The following ACY3 variants were observed in gnomAD, a reference collection of about 807,000 sequenced individuals.
ACY3 encodes the protein N-acyl-aromatic-L-amino acid amidohydrolase (carboxylate-forming).
A neutral mutation model predicts 24.6 loss-of-function variants in ACY3; 20 were observed. That is an observed-to-expected ratio of 0.81 (90% CI 0.57 to 1.18). The LOEUF is 1.18. ACY3 is among the 50% of genes most tolerant of loss of function. The pLI, the probability that ACY3 is intolerant of heterozygous loss-of-function variation, is 0.00. For synonymous variants in ACY3, 174 were observed against 188.4 expected, an observed-to-expected ratio of 0.92 and a Z score of 0.62; for missense variants, 423 against 426.8, an observed-to-expected ratio of 0.99 and a Z score of 0.08.
Position 67,645,158 on chromosome 11 carries a change from G to T in ACY3, c.527-6C>A. The stretch of plus-strand genomic sequence containing the variant: ...CTGGGGGCCCAGCTCCAGACCTGGG[G>T]ACCAGGAAGCAAGGGGTTAGGCAGG... On this transcript the variant is annotated splice_region_variant and splice_polypyrimidine_tract_variant and intron_variant, in intron 5 of 7. Coordinates refer to ENST00000255082, the MANE Select transcript of ACY3 (RefSeq NM_080658.2). 1.2e-6 allele frequency: 2 copies of T among 1,611,044 alleles called. No individual in the cohort carries two copies. The highest frequency in any genetic ancestry group is 8.5e-7 in the Non-Finnish European group (1 of 1,178,826).
Position 67,642,939 on chromosome 11 carries a change from C to T in ACY3, c.745G>A (p.Asp249Asn). ...LAGTVHPQLQDRDFQPLQPGA... is the reference protein window; with the variant it reads ...LAGTVHPQLQNRDFQPLQPGA... ...GGCTGCAGTGGCTGGAAGTCTCGGT[C>T]CTGGGAGGAGAGCCAAAGGCCAAGA... The change falls in exon 8 of 8, where the codon GAC becomes AAC. Residue 249 changes from aspartate (D) to asparagine (N), a missense_variant and splice_region_variant. Physicochemically the swap from Asp to Asn is conservative, Grantham distance 23. Coordinates refer to ENST00000255082, the MANE Select transcript of ACY3 (RefSeq NM_080658.2). 1 of 1,613,002 alleles carries T rather than the reference C, an allele frequency of 6.2e-7. No individual in the cohort carries two copies. The highest frequency in any genetic ancestry group is 8.5e-7 in the Non-Finnish European group (1 of 1,179,720).
At chr11:67,648,424 G>A (rs2076576528) in intron 1 of ACY3, among the ~76,000 whole-genome samples, 1 of 152,180 alleles carries the variant, frequency 6.6e-6, no homozygotes, top group African/African-American at 2.4e-5. Flanking sequence ...TGAAGGTGAG[G>A]TCCCCTGCAC....
At chr11:67,648,714 G>A (rs144780063) in intron 1 of ACY3, among the ~76,000 whole-genome samples, 99 of 152,288 alleles carry the variant, frequency 6.5e-4, no homozygotes, top group African/African-American at 2.1e-3. Flanking sequence ...ACACCCTCTC[G>A]GAAGCTGCCC....
intron 1 of ACY3, among the ~76,000 whole-genome samples, chr11:67,648,711 C>T (rs1385019476): frequency 2.0e-5 from 3 of 152,180 alleles, no homozygotes; most frequent in Non-Finnish European, 2.9e-5. Flanking sequence ...GTTACACCCT[C>T]TCGGAAGCTG....
intron 1 of ACY3, among the ~76,000 whole-genome samples, chr11:67,649,933 CGT>C (rs3029299): frequency 6.5e-4 from 99 of 151,946 alleles, no homozygotes; most frequent in African/African-American, 4.8e-4. Flanking sequence ...AGCATGTGTG[CGT>C]GTGTGTGTGT....
chr11:67,645,990 G>A, intron 3 of ACY3, 103 bp from the exon 4 acceptor site: 1 of 1,172,444 alleles, frequency 8.5e-7, no homozygotes, highest in Non-Finnish European at 1.2e-6. Context: ...ACTCTGAGCA[G>A]CTCGAGCGAG....
Position 67,642,757 on chromosome 11 carries a change from G to C in ACY3, c.927C>G (p.Pro309=), listed in dbSNP as rs149837610. ...CTGGGCTCGGGGCAGGGGTCAGCGC[G>C]GGCATGGCAGGCACGGTGAATGTGA... ...EKFTFTVPAM[P]ALTPAPSPAS Residue 309 remains proline, a synonymous_variant, in exon 8 of 8, where the codon CCC becomes CCG. Coordinates refer to ENST00000255082, the MANE Select transcript of ACY3 (RefSeq NM_080658.2). The C allele has an allele frequency of 6.2e-7, 1 of 1,614,152 alleles. No homozygotes were observed. Among genetic ancestry groups the C allele is most frequent in the Non-Finnish European group, 8.5e-7 (1 of 1,180,032 alleles).
chr11:67,645,293 C>G lies in ACY3; in HGVS notation c.520G>C (p.Gly174Arg). The change falls in exon 5 of 8, where the codon GGA (glycine) becomes CGA (arginine). Residue 174 changes from glycine (G) to arginine (R), a missense_variant. Transcript: ENST00000255082. Reference protein sequence around the residue: ...SYNLDSVAKNGLGLELGPQPQ... With the variant: ...SYNLDSVAKNRLGLELGPQPQ... Reference sequence around the variant, plus strand: ...TCAGAAGGCTGCGGCCCACCCAGTCCATTTTTGGCCACAGAGTCCAGGTTG... The same window carrying G: ...TCAGAAGGCTGCGGCCCACCCAGTCGATTTTTGGCCACAGAGTCCAGGTTG... 1.2e-6 allele frequency: 2 copies of G among 1,613,690 alleles called. No homozygotes were observed. The highest frequency in any genetic ancestry group is 2.2e-5 in the South Asian group (2 of 91,066).
At chr11:67,647,128 T>A (rs1278614382) in intron 2 of ACY3, 65 bp from the exon 3 acceptor site, 1 of 1,217,946 alleles carries the variant, frequency 8.2e-7, no homozygotes, top group Non-Finnish European at 1.1e-6. Flanking sequence ...AGGGCAAGGA[T>A]GGCGGTGGGA....
Position 67,645,159 on chromosome 11 carries a change from A to G in ACY3, c.527-7T>C. 15 of 1,610,780 alleles carry G rather than the reference A, an allele frequency of 9.3e-6. No homozygotes were observed. The highest frequency in any genetic ancestry group is 1.2e-5 in the Non-Finnish European group (14 of 1,178,710). On this transcript the variant is annotated splice_region_variant and splice_polypyrimidine_tract_variant and intron_variant, in intron 5 of 7. Coordinates refer to ENST00000255082, the MANE Select transcript of ACY3 (RefSeq NM_080658.2). ...TGGGGGCCCAGCTCCAGACCTGGGG[A>G]CCAGGAAGCAAGGGGTTAGGCAGGT... is the stretch of plus-strand genomic sequence containing the variant.
chr11:67,648,892 C>A (rs962302972), intron 1 of ACY3, among the ~76,000 whole-genome samples: 2 of 152,130 alleles, frequency 1.3e-5, no homozygotes, highest in Non-Finnish European at 2.9e-5. Flanking sequence ...GAGTGTGAGG[C>A]TGAGCCCCCA....
intron 3 of ACY3, among the ~76,000 whole-genome samples, chr11:67,646,588 G>C (rs924468621): frequency 1.3e-5 from 2 of 152,234 alleles, no homozygotes; most frequent in Admixed American, 6.5e-5. Context: ...CCCAGAAGAG[G>C]TCCTGAACCA....
At chr11:67,644,733 C>CACAT (rs1555031813) in intron 7 of ACY3, 27 bp downstream of exon 7, 2 of 822,664 alleles carry the variant, frequency 2.4e-6, no homozygotes, top group South Asian at 3.7e-5. Flanking sequence ...CACCCCCCAC[C>CACAT]ACACACACAC....
intron 1 of ACY3, among the ~76,000 whole-genome samples, chr11:67,649,190 CA>C (rs1855570511): frequency 1.3e-5 from 2 of 152,108 alleles, no homozygotes; most frequent in South Asian, 4.1e-4. Context: ...GTAGGGGTCT[CA>C]GGGACCCCCA....
rs572656219 is a variant in ACY3 at position 67,647,557 on chromosome 11, G to A, written c.-62C>T. 1.3e-5 allele frequency: 2 copies of A among 150,748 alleles called. No homozygotes were observed. The highest frequency in any genetic ancestry group is 2.0e-4 in the East Asian group (1 of 4,996). The allele number at this position is 150,748 out of a possible 1,614,324, so 9.3% of individuals were successfully genotyped here. ...GGCTTCCCGGGCCACCAGGACTGGC[G>A]TCTAACTCGCAGACAGGCTGGTATT... is the stretch of plus-strand genomic sequence containing the variant. On this transcript the variant is annotated 5_prime_UTR_variant, in exon 2 of 8. In the 5' UTR this introduces an upstream ATG that the reference lacks. Transcript: ENST00000255082.
intron 1 of ACY3, among the ~76,000 whole-genome samples, chr11:67,648,661 C>T (rs1271403517): frequency 6.6e-6 from 1 of 152,202 alleles, no homozygotes; most frequent in Admixed American, 6.5e-5. Flanking sequence ...GATGCCAGGC[C>T]CACCAGCCTG....
chr11:67,647,994 A>G (rs1855550417), intron 1 of ACY3, among the ~76,000 whole-genome samples: 1 of 152,128 alleles, frequency 6.6e-6, no homozygotes, highest in Non-Finnish European at 1.5e-5. Flanking sequence ...TGCAGCCCGG[A>G]GAGGGCTGTG....
chr11:67,647,991 C>T (rs901662019), intron 1 of ACY3, among the ~76,000 whole-genome samples: 7 of 152,216 alleles, frequency 4.6e-5, no homozygotes, highest in African/African-American at 1.4e-4. Flanking sequence ...CCTTGCAGCC[C>T]GGAGAGGGCT....
Position 67,645,879 on chromosome 11 carries a change from G to C in ACY3, c.245C>G (p.Pro82Arg). 6.3e-7 allele frequency: 1 copy of C among 1,598,852 alleles called. No homozygotes were observed. Among genetic ancestry groups the C allele is most frequent in the Non-Finnish European group, 8.5e-7 (1 of 1,171,690 alleles). The change falls in exon 4 of 8, where the codon CCC (proline) becomes CGC (arginine). Residue 82 changes from proline (P) to arginine (R), a missense_variant. Coordinates refer to ENST00000255082, the MANE Select transcript of ACY3 (RefSeq NM_080658.2). ...CACCTCATATGGGTCGTCCGGGGTG[G>C]GCCTGGAACTGTGGAGACGGGAATG... ...TFTSSFLNSR[P>R]TPDDPYEVTR...
Sources: allele counts gnomAD v4.1 joint callset (sites outside exome capture counted in the v4.1 genomes callset), GRCh38; gene constraint gnomAD v4.1.1; transcripts MANE v1.5; gene names NCBI Gene and HGNC (gene_info 2026-07-23, HGNC 2026-07-21).